The following CACNB2 variants were observed in gnomAD, a reference collection of about 807,000 sequenced individuals.
The protein encoded by CACNB2 is voltage-dependent L-type calcium channel subunit beta-2.
Under a neutral mutation model 73.3 loss-of-function variants are expected in CACNB2, and 42 were observed. That is an observed-to-expected ratio of 0.57 (90% confidence interval 0.45 to 0.74). CACNB2 has a LOEUF of 0.74. Among genes scored for constraint, CACNB2 ranks in the 30% least tolerant of loss-of-function variants. CACNB2 has a pLI of 0.00. For synonymous variants in CACNB2, 348 were observed against 310.3 expected (o/e 1.12, Z -1.28); for missense variants, 940 against 853.0 (o/e 1.10, Z -1.27).
chr10:18,168,602 T>C (rs1462954968), intron 2 of CACNB2, among the ~76,000 whole-genome samples: 2 of 152,138 alleles, frequency 1.3e-5, no homozygotes, highest in African/African-American at 2.4e-5. Flanking sequence ...CACTGCCACT[T>C]TTTTGTTCTC....
intron 2 of CACNB2, among the ~76,000 whole-genome samples, chr10:18,331,287 A>C (rs1434025043): frequency 1.3e-5 from 2 of 151,752 alleles, no homozygotes; most frequent in Admixed American, 1.3e-4. Flanking sequence ...CCTGGCCATA[A>C]ATTTTTTTTG....
chr10:18,219,934 T>C (rs1588733023), intron 2 of CACNB2, among the ~76,000 whole-genome samples: 1 of 149,778 alleles, frequency 6.7e-6, no homozygotes, highest in East Asian at 2.0e-4. Context: ...GCCTGGCTAA[T>C]TTTTGTATTT....
chr10:18,342,285 C>G (rs903367053), intron 2 of CACNB2, among the ~76,000 whole-genome samples: 3 of 152,048 alleles, frequency 2.0e-5, no homozygotes, highest in African/African-American at 7.2e-5. Context: ...CAAAACTGGT[C>G]ACAATTATGT....
chr10:18,403,466 G>T (rs1022467880), intron 3 of CACNB2, among the ~76,000 whole-genome samples: 34 of 152,096 alleles, frequency 2.2e-4, no homozygotes, highest in African/African-American at 7.7e-4. Context: ...TTCTATTTGC[G>T]GCTAATTTAT....
chr10:18,290,314 A>T (rs1365201992), intron 2 of CACNB2, among the ~76,000 whole-genome samples: 2 of 151,352 alleles, frequency 1.3e-5, no homozygotes, highest in East Asian at 3.9e-4. Context: ...GGCATGAGCC[A>T]CTGAGCCTGG....
intron 2 of CACNB2, among the ~76,000 whole-genome samples, chr10:18,246,703 C>G (rs1196492263): frequency 6.6e-6 from 1 of 152,166 alleles, no homozygotes; most frequent in African/African-American, 2.4e-5. Context: ...GCCTCAGCCT[C>G]CTGAGTAGCT....
chr10:18,257,139 G>A (rs1290893995), intron 2 of CACNB2: 4 of 152,216 alleles, frequency 2.6e-5, no homozygotes, highest in Non-Finnish European at 5.9e-5. Flanking sequence ...TCTCCTGAAT[G>A]TGCAGCTTTC....
At chr10:18,460,170 G>T (rs373197617) in intron 3 of CACNB2, among the ~76,000 whole-genome samples, 1 of 152,160 alleles carries the variant, frequency 6.6e-6, no homozygotes, top group Non-Finnish European at 1.5e-5. Flanking sequence ...TAAAAGAAAG[G>T]CCTGGGAGAG....
intron 2 of CACNB2, among the ~76,000 whole-genome samples, chr10:18,305,795 G>C (rs2131855583): frequency 6.6e-6 from 1 of 152,204 alleles, no homozygotes; most frequent in South Asian, 2.1e-4. Context: ...CAGGTATAGG[G>C]GGAGAAGAAG....
intron 3 of CACNB2, among the ~76,000 whole-genome samples, chr10:18,453,933 C>G (rs1348261838): frequency 6.6e-6 from 1 of 152,208 alleles, no homozygotes; most frequent in East Asian, 1.9e-4. Context: ...CCATGACCAG[C>G]TGATTACTTG....
At chr10:18,259,800 G>A (rs1385491439) in intron 2 of CACNB2, among the ~76,000 whole-genome samples, 3 of 151,806 alleles carry the variant, frequency 2.0e-5, no homozygotes, top group African/African-American at 7.3e-5. Flanking sequence ...CTACTTGGGA[G>A]TCGGAGGTGG....
At chr10:18,428,703 A>G (rs1466352976) in intron 3 of CACNB2, among the ~76,000 whole-genome samples, 1 of 119,008 alleles carries the variant, frequency 8.4e-6, no homozygotes, top group Non-Finnish European at 1.8e-5. Flanking sequence ...AAAAAAAAAA[A>G]AAAGGAATGA....
chr10:18,288,603 G>A (rs2038904051), intron 2 of CACNB2, among the ~76,000 whole-genome samples: 1 of 151,702 alleles, frequency 6.6e-6, no homozygotes, highest in South Asian at 2.1e-4. Flanking sequence ...GAACAACCAT[G>A]AGTACTGTAT....
chr10:18,387,682 C>G (rs1329335593), intron 2 of CACNB2, among the ~76,000 whole-genome samples: 1 of 151,950 alleles, frequency 6.6e-6, no homozygotes, highest in African/African-American at 2.4e-5. Context: ...CATACACTAC[C>G]AGGCTGTGAG....
intron 3 of CACNB2, among the ~76,000 whole-genome samples, chr10:18,453,308 A>T (rs2047104405): frequency 2.0e-5 from 3 of 152,114 alleles, no homozygotes; most frequent in African/African-American, 7.2e-5. Flanking sequence ...ACTCCTTCTC[A>T]TGGTTTAAAA....
In CACNB2 at chr10:18,339,100, C is replaced by T. The variant is rs567997747; in HGVS notation, c.214-62824C>T. Among the ~76,000 whole-genome samples, 175 of 152,134 alleles carry T rather than the reference C, an allele frequency of 1.2e-3. 2 individuals are homozygous for T. The highest frequency in any genetic ancestry group is 6.6e-3 in the Admixed American group (101 of 15,292). On this transcript the variant is annotated intron_variant, in intron 2 of 13. Transcript: ENST00000324631. ...CTAGGGACATTTCATTCATGCACCT[C>T]CCTGTGTACTCATGTGAGGGTATCC... is the stretch of plus-strand genomic sequence containing the variant.
At chr10:18,281,545 T>A (rs2038544951) in intron 2 of CACNB2, among the ~76,000 whole-genome samples, 1 of 152,134 alleles carries the variant, frequency 6.6e-6, no homozygotes, top group South Asian at 2.1e-4. Context: ...ACACACAGAT[T>A]GGGAGCTTCC....
At chr10:18,329,031 G>A (rs2040695685) in intron 2 of CACNB2, among the ~76,000 whole-genome samples, 1 of 152,218 alleles carries the variant, frequency 6.6e-6, no homozygotes, top group African/African-American at 2.4e-5. Context: ...TATGCATAGT[G>A]AAAGGAGTGA....
chr10:18,302,275 C>T (rs1401845622), intron 2 of CACNB2, among the ~76,000 whole-genome samples: 3 of 145,072 alleles, frequency 2.1e-5, no homozygotes, highest in Non-Finnish European at 3.0e-5. Flanking sequence ...AGGGGTGGGT[C>T]GGGGGGCGCT....
Sources: allele counts gnomAD v4.1 joint callset (sites outside exome capture counted in the v4.1 genomes callset), GRCh38; gene constraint gnomAD v4.1.1; transcripts MANE v1.5; gene names NCBI Gene and HGNC (gene_info 2026-07-23, HGNC 2026-07-21).